Variants in DOT1L observed in about 807,000 individuals in gnomAD.
DOT1L encodes histone-lysine N-methyltransferase, H3 lysine-79 specific.
DOT1L carries 33 observed loss-of-function variants against 153.3 expected under a neutral mutation model. The observed-to-expected ratio is 0.22, with a 90% CI of 0.16 to 0.29. DOT1L has a LOEUF of 0.29. Ranked by LOEUF, DOT1L falls within the 10% of genes least tolerant of loss-of-function variation. The pLI, the probability that DOT1L is intolerant of heterozygous loss-of-function variation, is 1.00. For synonymous variants in DOT1L, 1,135 were observed against 965.1 expected, an observed-to-expected ratio of 1.18 and a Z score of -3.26; for missense variants, 1,847 against 2,119.9, an observed-to-expected ratio of 0.87 and a Z score of 2.53.
intron 1 of DOT1L, among the ~76,000 whole-genome samples, chr19:2,165,006 G>A (rs1472726968): frequency 6.6e-6 from 1 of 152,208 alleles, no homozygotes; most frequent in Non-Finnish European, 1.5e-5. Flanking sequence ...GGTGACCGTT[G>A]GAAAATGACA....
intron 1 of DOT1L, among the ~76,000 whole-genome samples, chr19:2,170,738 A>G (rs1202767267): frequency 1.3e-5 from 2 of 152,122 alleles, no homozygotes; most frequent in Non-Finnish European, 2.9e-5. Context: ...AGTGGCTCAC[A>G]GAACTCCCGA....
Position 2,216,762 on chromosome 19 carries a change from C to G in DOT1L, c.2405C>G (p.Ser802Trp), listed in dbSNP as rs756193932. The G allele has an allele frequency of 6.3e-7, 1 of 1,588,618 alleles. No individual in the cohort carries two copies. The highest frequency in any genetic ancestry group is 8.5e-7 in the Non-Finnish European group (1 of 1,171,688). ...AGGCCGGCTGCCAGTGAGCTGCATT[C>G]GAGGTGAGTGCCCTGGTGGGGCTGG... Reference protein sequence around the residue: ...PGRPAASELHSRAEHTKENGL... With the variant: ...PGRPAASELHWRAEHTKENGL... The change falls in exon 20 of 28, where the codon TCG becomes TGG. Residue 802 changes from serine to tryptophan, a missense_variant. Ser to Trp is a radical substitution (Grantham distance 177). Around this residue, in one of 8 missense-constraint regions of DOT1L, gnomAD observed 281 missense variants for 263.6 expected, o/e 1.07. Coordinates refer to ENST00000398665, the MANE Select transcript of DOT1L (RefSeq NM_032482.3).
rs1310899183 is a variant in DOT1L, at chr19:2,216,636, T to C, written c.2279T>C (p.Leu760Pro). The C allele has an allele frequency of 6.2e-7, 1 of 1,605,716 alleles. No individual in the cohort carries two copies. The highest frequency in any genetic ancestry group is 8.5e-7 in the Non-Finnish European group (1 of 1,179,892). The change falls in exon 20 of 28, where the codon CTG becomes CCG. Residue 760 changes from leucine (L) to proline (P), a missense_variant. Physicochemically the swap from Leu to Pro is moderately conservative, Grantham distance 98. Transcript: ENST00000398665. ...CTPSHVGRPR[L>P]EKLSGLAAPD... ...CCTAGCCACGTCGGCCGGCCGCGCC[T>C]GGAGAAGCTGTCTGGCCTAGCCGCA...
intron 7 of DOT1L, among the ~76,000 whole-genome samples, chr19:2,196,633 C>T (rs2023031737): frequency 1.3e-5 from 2 of 152,194 alleles, no homozygotes; most frequent in South Asian, 2.1e-4. Flanking sequence ...GCCGGGCCTC[C>T]TTGGGGTTTC....
rs972567113 is a variant in DOT1L at position 2,231,961 on chromosome 19, G to C, written c.*2169G>C. On this transcript the variant is annotated 3_prime_UTR_variant, in exon 28 of 28. Coordinates refer to ENST00000398665, the MANE Select transcript of DOT1L (RefSeq NM_032482.3). Reference sequence around the variant, plus strand: ...GGGTCATATGCGTGTCACCACACGTGAACTAGTGTGGTGGCTGCCTGCGGA... The same window carrying C: ...GGGTCATATGCGTGTCACCACACGTCAACTAGTGTGGTGGCTGCCTGCGGA... 6 of 212,128 alleles carry C rather than the reference G, an allele frequency of 2.8e-5. No individual in the cohort carries two copies. The highest frequency in any genetic ancestry group is 6.8e-5 in the African/African-American group (3 of 44,080). The allele number at this position is 212,128 out of a possible 1,614,324, so 13.1% of individuals were successfully genotyped here.
chr19:2,206,937 C>A, intron 10 of DOT1L, 140 bp downstream of exon 10: 1 of 858,852 alleles, frequency 1.2e-6, no homozygotes, highest in Non-Finnish European at 1.9e-6. Context: ...CTGGGCAGTG[C>A]AGGGTGCTGA....
intron 27 of DOT1L, 43 bp from the exon 28 acceptor site, chr19:2,229,742 G>C: frequency 6.2e-7 from 1 of 1,612,486 alleles, no homozygotes; most frequent in Non-Finnish European, 8.5e-7. Context: ...CCCCAGGCGC[G>C]ATGGTAACCT....
intron 15 of DOT1L, 139 bp from the exon 16 acceptor site, chr19:2,211,612 G>T (rs367775923): frequency 6.9e-6 from 5 of 725,712 alleles, no homozygotes; most frequent in Non-Finnish European, 1.1e-5. Flanking sequence ...CATGGGCCCC[G>T]CCAGGCTCTG....
Position 2,215,401 on chromosome 19 carries a change from G to A in DOT1L, c.1923+805G>A, listed in dbSNP as rs184151533. On this transcript the variant is annotated intron_variant, in intron 19 of 27. Coordinates refer to ENST00000398665, the MANE Select transcript of DOT1L (RefSeq NM_032482.3). ...CAGGCAGAGGCAGGTGCTGGTGGGC[G>A]GTGCCCACAGCTGCCGTGCAGCCTA... is the stretch of plus-strand genomic sequence containing the variant. 9.3e-3 allele frequency: 1,414 copies of A among 152,386 alleles called. 11 individuals are homozygous for A. Among genetic ancestry groups the A allele is most frequent in the Middle Eastern group, 0.014 (4 of 296 alleles). The allele number at this position is 152,386 out of a possible 1,614,324, so 9.4% of individuals were successfully genotyped here. A position where few individuals can be genotyped will look rare whatever the true frequency, so the allele number is the denominator to read the frequency against.
intron 12 of DOT1L, among the ~76,000 whole-genome samples, chr19:2,209,959 CACTA>C (rs1568355698): frequency 6.6e-6 from 1 of 152,218 alleles, no homozygotes; most frequent in Non-Finnish European, 1.5e-5. Flanking sequence ...TCGCGCCCTC[CACTA>C]ACTCACATCA....
In DOT1L at chr19:2,230,197, C is replaced by T. The variant is rs568623686; in HGVS notation, c.*405C>T. 7.3e-5 allele frequency: 34 copies of T among 466,132 alleles called. 1 individual carries two copies. In the South Asian group the frequency reaches 1.2e-3, roughly 16 times the overall value. 28.9% of individuals were successfully genotyped at this position (466,132 alleles called of 1,614,324 possible). On this transcript the variant is annotated 3_prime_UTR_variant, in exon 28 of 28. Transcript: ENST00000398665. Reference sequence around the variant, plus strand: ...CCCCAGGCCCGCGCCTGCCTCCACCCGCTTGGTGCTGACTAGACGCTGACA... The same window carrying T: ...CCCCAGGCCCGCGCCTGCCTCCACCTGCTTGGTGCTGACTAGACGCTGACA...
At chr19:2,225,576 C>T (rs989537668) in intron 26 of DOT1L, 124 bp downstream of exon 26, 18 of 1,060,034 alleles carry the variant, frequency 1.7e-5, no homozygotes, top group African/African-American at 1.1e-4. Context: ...CCCGCTGCGT[C>T]GTGTCCTGCG....
intron 12 of DOT1L, 86 bp downstream of exon 12, chr19:2,209,062 G>A: frequency 1.4e-6 from 2 of 1,481,306 alleles, no homozygotes; most frequent in Non-Finnish European, 1.8e-6. Flanking sequence ...CCGGGTTCAG[G>A]AGCCACGACT....
chr19:2,223,989 C>T (rs1405253176), intron 25 of DOT1L, among the ~76,000 whole-genome samples: 1 of 152,156 alleles, frequency 6.6e-6, no homozygotes, highest in Non-Finnish European at 1.5e-5. Flanking sequence ...CTCCCAAGAG[C>T]CCCTGGCACC....
intron 1 of DOT1L, among the ~76,000 whole-genome samples, chr19:2,170,063 G>T (rs574098670): frequency 1.3e-5 from 2 of 152,174 alleles, no homozygotes; most frequent in Non-Finnish European, 2.9e-5. Flanking sequence ...GAACCCGAGA[G>T]GGGGAGGCTG....
chr19:2,217,637 G>A lies in DOT1L; in HGVS notation c.2545-135G>A. ...GTGTCCAGGAGGGCCTGACTGCGTG[G>A]GGAAGGTTGCAGGGCCTTGGCAGCG... On this transcript the variant is annotated intron_variant, in intron 21 of 27. Transcript: ENST00000398665. The surrounding 1 kb of genome is among the most constrained non-coding windows in gnomAD (Gnocchi z 7.3). 1 of 1,298,678 alleles carries A rather than the reference G, an allele frequency of 7.7e-7. No homozygotes were observed. Among genetic ancestry groups the A allele is most frequent in the Non-Finnish European group, 1.0e-6 (1 of 953,052 alleles). The allele number at this position is 1,298,678 out of a possible 1,614,324, so 80.4% of individuals were successfully genotyped here. A position where few individuals can be genotyped will look rare whatever the true frequency, so the allele number is the denominator to read the frequency against.
Position 2,216,948 on chromosome 19 carries a change from A to G in DOT1L, c.2409-7A>G. ...CCCTCGAGAGTGACTGCAGCTTCTCATTCCAGAGCTGAGCACACCAAGGAG... is the reference window on the plus strand; with the variant it reads ...CCCTCGAGAGTGACTGCAGCTTCTCGTTCCAGAGCTGAGCACACCAAGGAG... On this transcript the variant is annotated splice_polypyrimidine_tract_variant and splice_region_variant and intron_variant, in intron 20 of 27. Transcript: ENST00000398665. 6.2e-7 allele frequency: 1 copy of G among 1,603,258 alleles called. No individual in the cohort carries two copies. The highest frequency in any genetic ancestry group is 2.2e-5 in the East Asian group (1 of 44,572).
rs929103354 is a variant in DOT1L, at chr19:2,189,076, T to C, written c.201-656T>C. On this transcript the variant is annotated intron_variant, in intron 3 of 27. Transcript: ENST00000398665. Reference sequence around the variant, plus strand: ...TTGCTGCGGGGGGACTGAGTCTCACTGTGGACCCTGCTGTGCCGTGTCTGA... The same window carrying C: ...TTGCTGCGGGGGGACTGAGTCTCACCGTGGACCCTGCTGTGCCGTGTCTGA... Among the ~76,000 whole-genome samples the C allele has an allele frequency of 2.6e-5, 4 of 152,174 alleles. No individual in the cohort carries two copies. The East Asian group carries it at 7.7e-4, about 29-fold the overall frequency.
chr19:2,197,521 C>T lies in DOT1L; in HGVS notation c.652-2363C>T, dbSNP rs1432593794. Reference sequence around the variant, plus strand: ...GCCGCAGCACTGCTCCCCCTTCTGCCTCATCTTGTCAGCGTCTGGGTCAGC... The same window carrying T: ...GCCGCAGCACTGCTCCCCCTTCTGCTTCATCTTGTCAGCGTCTGGGTCAGC... On this transcript the variant is annotated intron_variant, in intron 7 of 27. Transcript: ENST00000398665. This position sits in a 1 kb window ranked among gnomAD's most constrained non-coding sequence, Gnocchi z 4.1. Among the ~76,000 whole-genome samples, 1 of 152,206 alleles carries T rather than the reference C, an allele frequency of 6.6e-6. No individual in the cohort carries two copies. The highest frequency in any genetic ancestry group is 1.5e-5 in the Non-Finnish European group (1 of 68,032).
Sources: gnomAD v4.1 joint callset for allele counts (sites outside exome capture counted in the v4.1 genomes callset) on GRCh38, gnomAD v4.1.1 for gene constraint, gnomAD v4.1.1 regional missense constraint, Gnocchi (gnomAD v3.1) non-coding constraint, MANE v1.5 for transcripts, NCBI Gene and HGNC (gene_info 2026-07-23, HGNC 2026-07-21) for gene names.